Variants in MKLN1 observed in about 807,000 individuals in gnomAD.
MKLN1 encodes the protein muskelin 1, also known as muskelin.
MKLN1 carries 18 observed loss-of-function variants against 99.0 expected under a neutral mutation model. That is an observed-to-expected ratio of 0.18 (90% confidence interval 0.13 to 0.27). The LOEUF (loss-of-function observed/expected upper bound fraction) is 0.27. Ranked by LOEUF, MKLN1 falls within the 10% of genes least tolerant of loss-of-function variation. MKLN1 has a pLI of 1.00. For missense variants in MKLN1, 621 were observed against 875.9 expected, an observed-to-expected ratio of 0.71 and a Z score of 3.67; for synonymous variants, 288 against 293.2, an observed-to-expected ratio of 0.98 and a Z score of 0.18.
At chr7:131,469,933 T>G (rs1300900338) in intron 15 of MKLN1, among the ~76,000 whole-genome samples, 1 of 151,318 alleles carries the variant, frequency 6.6e-6, no homozygotes, top group Non-Finnish European at 1.5e-5. Context: ...TGGAGTGCAG[T>G]GGTACAATCA....
chr7:131,364,287 C>T (rs925017142), intron 1 of MKLN1, among the ~76,000 whole-genome samples: 3 of 152,064 alleles, frequency 2.0e-5, no homozygotes, highest in African/African-American at 4.8e-5. Flanking sequence ...GAAAAATTAT[C>T]AGCATTCCCC....
rs866165775 is a variant in MKLN1, at chr7:131,431,240, A to G, written c.960+2095A>G. On this transcript the variant is annotated intron_variant, in intron 9 of 17. Transcript: ENST00000352689. ...CTGTCTCAAAAAAAAACAAAAAAAA[A>G]CAACCAAAAACAAGTCCCCCAAATA... Among the ~76,000 whole-genome samples, 3 of 151,784 alleles carry G rather than the reference A, an allele frequency of 2.0e-5. No homozygotes were observed. The South Asian group carries it at 6.3e-4, about 32-fold the overall frequency.
intron 1 of MKLN1, among the ~76,000 whole-genome samples, chr7:131,344,986 A>T (rs899079111): frequency 6.6e-6 from 1 of 151,942 alleles, no homozygotes; most frequent in Non-Finnish European, 1.5e-5. Flanking sequence ...TTGTATTTTT[A>T]GTAAAGACGG....
intron 3 of MKLN1, among the ~76,000 whole-genome samples, chr7:131,250,633 T>C (rs534707096): frequency 6.6e-6 from 1 of 152,224 alleles, no homozygotes; most frequent in African/African-American, 2.4e-5. Flanking sequence ...GAAAAAGACA[T>C]AGTCAATCAG....
At chr7:131,205,368 C>A (rs920614983) in intron 3 of MKLN1, among the ~76,000 whole-genome samples, 4 of 152,066 alleles carry the variant, frequency 2.6e-5, no homozygotes, top group Non-Finnish European at 5.9e-5. Context: ...TTAATTAAAT[C>A]TTATTAATAT....
intron 2 of MKLN1, among the ~76,000 whole-genome samples, chr7:131,200,170 A>G (rs990161577): frequency 6.6e-6 from 1 of 152,272 alleles, no homozygotes; most frequent in Non-Finnish European, 1.5e-5. Flanking sequence ...ACTGCACCTG[A>G]CCTAATGTGT....
At chr7:131,399,541 GT>G in intron 6 of MKLN1, 108 bp downstream of exon 6, 1 of 907,094 alleles carries the variant, frequency 1.1e-6, no homozygotes, top group Non-Finnish European at 1.7e-6. Context: ...TTTTTTCTTG[GT>G]TTTTTACTCG....
intron 1 of MKLN1, among the ~76,000 whole-genome samples, chr7:131,136,402 G>A (rs973085597): frequency 3.9e-5 from 6 of 152,130 alleles, no homozygotes; most frequent in East Asian, 3.9e-4. Context: ...CCAAGTGGTC[G>A]CCTAGATTTG....
rs1794346467 is a variant in MKLN1 at position 131,395,946 on chromosome 7, C to CT, written c.401-1316dup. Among the ~76,000 whole-genome samples, 3 of 147,920 alleles carry CT rather than the reference C, an allele frequency of 2.0e-5. No homozygotes were observed. In the South Asian group the frequency reaches 6.2e-4, roughly 31 times the overall value. On this transcript the variant is annotated intron_variant, in intron 4 of 17. Coordinates refer to ENST00000352689, the MANE Select transcript of MKLN1 (RefSeq NM_013255.5). ...TAAGTTTATTCTGAAGTATTTTCAGCTTTTTGCCATTATAAATAGGACTTT... is the reference window on the plus strand; with the variant it reads ...TAAGTTTATTCTGAAGTATTTTCAGCTTTTTTGCCATTATAAATAGGACTTT...
At chr7:131,175,228 G>T (rs12535275) in intron 2 of MKLN1, among the ~76,000 whole-genome samples, 1 of 151,930 alleles carries the variant, frequency 6.6e-6, no homozygotes, top group African/African-American at 2.4e-5. Context: ...TAGAGAGAGA[G>T]AGATAGAATG....
intron 4 of MKLN1, among the ~76,000 whole-genome samples, chr7:131,391,155 A>G (rs1794188130): frequency 6.6e-6 from 1 of 152,098 alleles, no homozygotes; most frequent in Non-Finnish European, 1.5e-5. Context: ...TTTTCTTCAA[A>G]AGTTATTCCA....
chr7:131,295,442 T>C (rs1798276576), intron 3 of MKLN1, among the ~76,000 whole-genome samples: 1 of 151,500 alleles, frequency 6.6e-6, no homozygotes, highest in Admixed American at 6.6e-5. Context: ...ACACCATGAA[T>C]AGAGCCAAAG....
At chr7:131,347,799 G>A (rs1799608851) in intron 1 of MKLN1, among the ~76,000 whole-genome samples, 1 of 152,170 alleles carries the variant, frequency 6.6e-6, no homozygotes, top group African/African-American at 2.4e-5. Flanking sequence ...ATTGTTTCAA[G>A]TGGATTAATA....
At chr7:131,169,412 G>T (rs557639115) in intron 2 of MKLN1, among the ~76,000 whole-genome samples, 1 of 152,114 alleles carries the variant, frequency 6.6e-6, no homozygotes, top group African/African-American at 2.4e-5. Context: ...TGTCTACAGT[G>T]TCTCGATAAC....
In MKLN1 at chr7:131,437,815, A is replaced by G. The variant is rs749449854; in HGVS notation, c.991A>G (p.Met331Val). The G allele has an allele frequency of 6.2e-7, 1 of 1,612,990 alleles. No homozygotes were observed. Among genetic ancestry groups the G allele is most frequent in the Non-Finnish European group, 8.5e-7 (1 of 1,179,576 alleles). Residue 331 changes from methionine (M) to valine (V), a missense_variant, in exon 10 of 18, where the codon ATG (methionine) becomes GTG (valine). Met to Val is a conservative substitution (Grantham distance 21, BLOSUM62 1). Coordinates refer to ENST00000352689, the MANE Select transcript of MKLN1 (RefSeq NM_013255.5). The stretch of plus-strand genomic sequence containing the variant: ...TCCTAGTGCCAGATCGTGTCATAAA[A>G]TGTGCATTGATATTCAACGGAGGCA... ...NGPSARSCHKMCIDIQRRQIY... is the reference protein window; with the variant it reads ...NGPSARSCHKVCIDIQRRQIY...
intron 2 of MKLN1, among the ~76,000 whole-genome samples, chr7:131,159,549 G>A (rs1453572164): frequency 1.3e-5 from 2 of 152,128 alleles, no homozygotes; most frequent in African/African-American, 4.8e-5. Context: ...TAGGATGGTG[G>A]TTACCAGAGG....
At chr7:131,240,833 G>A (rs189003257) in intron 3 of MKLN1, among the ~76,000 whole-genome samples, 19 of 152,294 alleles carry the variant, frequency 1.2e-4, no homozygotes, top group Admixed American at 1.2e-3. Flanking sequence ...GCTATCTAAT[G>A]TTAAGAAAAA....
rs1015223395 is a variant in MKLN1, at chr7:131,496,249, G to A, written c.*8521G>A. The stretch of plus-strand genomic sequence containing the variant: ...TAAAGTATCCACATGGTCTTAAATG[G>A]AAATCATGGGACTCTGGAAAGCTGG... On this transcript the variant is annotated 3_prime_UTR_variant, in exon 18 of 18. Coordinates refer to ENST00000352689, the MANE Select transcript of MKLN1 (RefSeq NM_013255.5). 6.6e-6 allele frequency: 1 copy of A among 152,034 alleles called. No individual in the cohort carries two copies. Among genetic ancestry groups the A allele is most frequent in the African/African-American group, 2.4e-5 (1 of 41,324 alleles). 9.4% of individuals were successfully genotyped at this position (152,034 alleles called of 1,614,324 possible).
At position 131,167,157 on chromosome 7, in the gene MKLN1, T is replaced by TA. The variant is rs199779526; in HGVS notation, c.-297+24228dup. On this transcript the variant is annotated intron_variant, in intron 2 of 7. Coordinates refer to the MKLN1 transcript ENST00000416992. ...TATCACAACCTGGAAACTGAAGCTGTAAAAAAAAAAAATTAATGAAATGAT... is the reference window on the plus strand; with the variant it reads ...TATCACAACCTGGAAACTGAAGCTGTAAAAAAAAAAAAATTAATGAAATGAT... 2.8e-3 allele frequency among the ~76,000 whole-genome samples: 405 copies of TA among 145,992 alleles called. 4 individuals carry two copies. Among genetic ancestry groups the TA allele is most frequent in the Admixed American group, 3.9e-3 (57 of 14,602 alleles).
Sources: allele counts gnomAD v4.1 joint callset (sites outside exome capture counted in the v4.1 genomes callset), GRCh38; gene constraint gnomAD v4.1.1; transcripts MANE v1.5; gene names NCBI Gene and HGNC (gene_info 2026-07-23, HGNC 2026-07-21).